Variants in TTC3 observed in about 807,000 individuals in gnomAD.
TTC3 encodes the protein E3 ubiquitin-protein ligase TTC3.
Under a neutral mutation model 249.6 loss-of-function variants are expected in TTC3, and 180 were observed. The observed-to-expected ratio is 0.72, with a 90% CI of 0.64 to 0.82. TTC3 has a LOEUF of 0.82. Among genes scored for constraint, TTC3 ranks in the 40% least tolerant of loss-of-function variants. The probability of loss-of-function intolerance (pLI) is 0.00; values close to 1 mark genes in which losing one functional copy is unlikely to be tolerated. For missense variants in TTC3, 2,061 were observed against 2,398.4 expected (o/e 0.86, Z 2.94); for synonymous variants, 717 against 805.0 (o/e 0.89, Z 1.85).
At chr21:37,108,682 A>AT (rs917024350) in intron 11 of TTC3, among the ~76,000 whole-genome samples, 15 of 152,044 alleles carry the variant, frequency 9.9e-5, no homozygotes, top group Non-Finnish European at 1.6e-4. Flanking sequence ...TGCCTTAGTG[A>AT]TTGAGAGGTC....
chr21:37,153,388 T>A, intron 27 of TTC3, 111 bp downstream of exon 27: 1 of 1,027,930 alleles, frequency 9.7e-7, no homozygotes, highest in Non-Finnish European at 1.4e-6. Flanking sequence ...AATGCAGGAC[T>A]ATAAATTTGT....
At chr21:37,082,490 C>G (rs1466688354) in intron 1 of TTC3, 33 of 985,200 alleles carry the variant, frequency 3.3e-5, no homozygotes, top group Non-Finnish European at 4.0e-5. Flanking sequence ...TCAGCTTTGT[C>G]TGGGAGCCAG....
chr21:37,087,442 T>G (rs770147991), intron 2 of TTC3, 41 bp downstream of exon 2: 1 of 1,609,240 alleles, frequency 6.2e-7, no homozygotes, highest in South Asian at 1.1e-5. Flanking sequence ...ACATTGTGTA[T>G]TGAAGGTTTT....
At chr21:37,163,618 G>A (rs1327972262) in intron 31 of TTC3, among the ~76,000 whole-genome samples, 1 of 152,104 alleles carries the variant, frequency 6.6e-6, no homozygotes, top group Non-Finnish European at 1.5e-5. Flanking sequence ...CCAAAGTGCT[G>A]GGATTACAGG....
chr21:37,134,046 T>C (rs1207438871), intron 17 of TTC3, among the ~76,000 whole-genome samples: 1 of 152,182 alleles, frequency 6.6e-6, no homozygotes, highest in Admixed American at 6.6e-5. Context: ...AACTTCAAGT[T>C]CATATCTTAA....
intron 15 of TTC3, among the ~76,000 whole-genome samples, 199 bp from the exon 16 acceptor site, chr21:37,128,804 C>T (rs1364187068): frequency 6.6e-6 from 1 of 151,950 alleles, no homozygotes; most frequent in East Asian, 1.9e-4. Context: ...TATAATTGAT[C>T]TTTAATAATT....
chr21:37,120,975 G>A (rs1349885985), intron 11 of TTC3, among the ~76,000 whole-genome samples: 1 of 152,152 alleles, frequency 6.6e-6, no homozygotes, highest in Non-Finnish European at 1.5e-5. Flanking sequence ...CCAGTTTCTA[G>A]CCTCTAGCCT....
At chr21:37,154,624 A>T (rs990111782) in intron 27 of TTC3, among the ~76,000 whole-genome samples, 4 of 152,198 alleles carry the variant, frequency 2.6e-5, no homozygotes, top group African/African-American at 9.6e-5. Context: ...TAAATGCAGC[A>T]CTTGAGCCCT....
chr21:37,123,519 G>A (rs773515925), intron 13 of TTC3, among the ~76,000 whole-genome samples: 1 of 152,216 alleles, frequency 6.6e-6, no homozygotes, highest in Non-Finnish European at 1.5e-5. Flanking sequence ...ATGCTCACAA[G>A]AAAGCAATAG....
chr21:37,097,802 T>C (rs757906783), intron 10 of TTC3: 9 of 551,730 alleles, frequency 1.6e-5, no homozygotes, highest in South Asian at 2.5e-5. Context: ...CTGCTATCAG[T>C]TGTTTTTCAG....
chr21:37,128,526 G>A (rs150541122), intron 15 of TTC3, among the ~76,000 whole-genome samples: 11 of 152,244 alleles, frequency 7.2e-5, no homozygotes, highest in South Asian at 2.1e-4. Flanking sequence ...CCTCAAAACC[G>A]AACACAAATG....
intron 13 of TTC3, 76 bp downstream of exon 13, chr21:37,123,104 T>C: frequency 6.6e-7 from 1 of 1,513,036 alleles, no homozygotes. Context: ...CACTTATGTT[T>C]GACGCTTTAG....
In TTC3 at chr21:37,165,741, C is replaced by A. The variant is rs779945037; in HGVS notation, c.3527C>A (p.Ser1176Ter). The A allele has an allele frequency of 3.1e-6, 5 of 1,613,304 alleles. No individual in the cohort carries two copies. In the East Asian group the frequency reaches 1.1e-4, roughly 36 times the overall value. Residue 1176 changes from serine to a stop codon, truncating the protein, a stop_gained, in exon 33 of 46, where the codon TCA becomes TAA. Transcript: ENST00000355666. LOFTEE classifies it high-confidence loss of function. ...TGTATTGCACTGAAGAAGGTTGCATCACGGCTCAAGAAAAAAAGGAAGAAG... is the reference window on the plus strand; with the variant it reads ...TGTATTGCACTGAAGAAGGTTGCATAACGGCTCAAGAAAAAAAGGAAGAAG...
At chr21:37,076,716 T>TTTC (rs1555837260) in intron 1 of TTC3, among the ~76,000 whole-genome samples, 4 of 138,620 alleles carry the variant, frequency 2.9e-5, no homozygotes, top group African/African-American at 7.8e-5. Context: ...TTTTTTTTTT[T>TTTC]TTTTGAGTGA....
intron 20 of TTC3, among the ~76,000 whole-genome samples, chr21:37,144,042 A>G (rs1043323693): frequency 4.6e-5 from 7 of 151,752 alleles, no homozygotes; most frequent in Middle Eastern, 3.2e-3. Flanking sequence ...GAATTGAACA[A>G]TGAGAACACA....
At chr21:37,164,000 C>T (rs561518314) in intron 31 of TTC3, 51 bp from the exon 32 acceptor site, 2 of 1,553,188 alleles carry the variant, frequency 1.3e-6, no homozygotes, top group East Asian at 2.3e-5. Flanking sequence ...AAATAATAAA[C>T]CAAAGGTCTA....
chr21:37,099,551 G>A lies in TTC3; in HGVS notation c.845+2908G>A, dbSNP rs569613890. Among the ~76,000 whole-genome samples the A allele has an allele frequency of 1.9e-4, 29 of 152,292 alleles. No individual in the cohort carries two copies. In the South Asian group the frequency reaches 3.5e-3, roughly 19 times the overall value. ...TAAATGGTCTAAATAGTCAATAAAC[G>A]TTTATGAGGAAATGATTATCCTTCC... On this transcript the variant is annotated intron_variant, in intron 10 of 45. Coordinates refer to ENST00000355666, the Ensembl canonical transcript of TTC3.
chr21:37,135,864 C>T (rs935861951), intron 18 of TTC3, among the ~76,000 whole-genome samples: 1 of 152,184 alleles, frequency 6.6e-6, no homozygotes, highest in African/African-American at 2.4e-5. Context: ...ACTTTGCAGA[C>T]AATGCATTTG....
rs1209463163 is a variant in TTC3 at position 37,102,150 on chromosome 21, C to G, written c.845+5507C>G. On this transcript the variant is annotated intron_variant, in intron 10 of 45. Coordinates refer to ENST00000355666, the Ensembl canonical transcript of TTC3. ...AAGAACATATCATTTTAATTACAGA[C>G]ACTTTTTATTTAAAATGTATGTTTA... Among the ~76,000 whole-genome samples, 4 of 152,122 alleles carry G rather than the reference C, an allele frequency of 2.6e-5. No homozygotes were observed. The East Asian group carries it at 7.7e-4, about 29-fold the overall frequency.
Sources: gnomAD v4.1 joint callset for allele counts (sites outside exome capture counted in the v4.1 genomes callset) on GRCh38, gnomAD v4.1.1 for gene constraint, MANE v1.5 for transcripts, NCBI Gene and HGNC (gene_info 2026-07-23, HGNC 2026-07-21) for gene names.